Variants in USP20 observed in about 807,000 individuals in gnomAD.
USP20 encodes ubiquitin carboxyl-terminal hydrolase 20.
USP20 carries 80 observed loss-of-function variants against 124.2 expected under a neutral mutation model. The ratio of observed to expected loss-of-function variants is 0.64; its 90% CI spans 0.54 to 0.78. The LOEUF is 0.78. USP20 is among the 30% of genes least tolerant of loss of function. The pLI is 0.00. For synonymous variants in USP20, 481 were observed against 512.3 expected, an observed-to-expected ratio of 0.94 and a Z score of 0.83; for missense variants, 1,043 against 1,244.4, an observed-to-expected ratio of 0.84 and a Z score of 2.44.
In USP20 at chr9:129,878,543, T is replaced by C. The variant is rs115523975; in HGVS notation, c.2512+103T>C. The C allele has an allele frequency of 1.1e-3, 1,158 of 1,053,936 alleles. 11 individuals carry two copies. In the African/African-American group the frequency reaches 0.017, roughly 16 times the overall value. 65.3% of individuals were successfully genotyped at this position (1,053,936 alleles called of 1,614,324 possible). ...CACACAGGGGCTCCTGCAGGCCCCA[T>C]GCCTGCCCCCAGGTGCCACCCATCC... On this transcript the variant is annotated intron_variant, in intron 23 of 25. Transcript: ENST00000372429.
intron 16 of USP20, 66 bp from the exon 17 acceptor site, chr9:129,873,626 CGGGTGGA>C: frequency 1.2e-6 from 2 of 1,613,304 alleles, no homozygotes; most frequent in South Asian, 2.2e-5. Flanking sequence ...AGAAGGGAGC[CGGGTGGA>C]GGGCTGCTTC....
At position 129,879,850 on chromosome 9, in the gene USP20, G is replaced by T. The variant is rs2034566061; in HGVS notation, c.2584+206G>T. Among the ~76,000 whole-genome samples, 1 of 152,142 alleles carries T rather than the reference G, an allele frequency of 6.6e-6. No individual in the cohort carries two copies. Among genetic ancestry groups the T allele is most frequent in the Non-Finnish European group, 1.5e-5 (1 of 68,022 alleles). On this transcript the variant is annotated intron_variant, in intron 24 of 25. Transcript: ENST00000372429. This position sits in a 1 kb window ranked among gnomAD's most constrained non-coding sequence, Gnocchi z 4.2. ...TCCTCCAGGTCCCACCCCTCTGCCT[G>T]CTGCTGGCCTTGCCCACCCTGCTGT...
At chr9:129,865,502 G>A (rs2033779714) in intron 10 of USP20, 121 bp downstream of exon 10, 2 of 1,026,474 alleles carry the variant, frequency 1.9e-6, no homozygotes, top group South Asian at 2.8e-5. Flanking sequence ...AGGTCTCACG[G>A]ACCAGGCTCT....
intron 1 of USP20, among the ~76,000 whole-genome samples, chr9:129,846,488 G>A (rs1459113311): frequency 6.7e-6 from 1 of 149,042 alleles, no homozygotes; most frequent in Admixed American, 6.7e-5. Context: ...AAACTCCTGG[G>A]CTCAAGCAGT....
chr9:129,844,202 A>G (rs534163024), intron 1 of USP20, among the ~76,000 whole-genome samples: 3 of 152,232 alleles, frequency 2.0e-5, no homozygotes, highest in Non-Finnish European at 4.4e-5. Flanking sequence ...GTATAGCTTA[A>G]ATTATATGTG....
chr9:129,847,091 A>G (rs149380373), intron 1 of USP20, among the ~76,000 whole-genome samples: 2 of 152,322 alleles, frequency 1.3e-5, no homozygotes, highest in Non-Finnish European at 2.9e-5. Flanking sequence ...TAATGCAGCT[A>G]TGAACATAGG....
chr9:129,852,786 G>A, intron 3 of USP20, 150 bp downstream of exon 3: 2 of 803,928 alleles, frequency 2.5e-6, no homozygotes, highest in Non-Finnish European at 3.9e-6. Flanking sequence ...ATCTGCTTGG[G>A]AGGCCGCCTT....
chr9:129,860,209 A>G (rs2033465827), intron 6 of USP20, among the ~76,000 whole-genome samples: 1 of 152,088 alleles, frequency 6.6e-6, no homozygotes, highest in Non-Finnish European at 1.5e-5. Context: ...GGGCACCTGT[A>G]GTCCCAGCTA....
intron 15 of USP20, among the ~76,000 whole-genome samples, chr9:129,872,103 A>G (rs2034156901): frequency 6.6e-6 from 1 of 152,130 alleles, no homozygotes; most frequent in Admixed American, 6.6e-5. Context: ...GTGTTTGGAA[A>G]AACATCTATG....
At chr9:129,846,473 A>T (rs1564197406) in intron 1 of USP20, among the ~76,000 whole-genome samples, 1 of 143,160 alleles carries the variant, frequency 7.0e-6, no homozygotes, top group Non-Finnish European at 1.5e-5. Flanking sequence ...GCCCAGGCTG[A>T]TCTCAAACTC....
In USP20 at chr9:129,859,255, A is replaced by ATTTTAT; in HGVS notation, c.330+660_330+661insTATTTT. Among the ~76,000 whole-genome samples, 4 of 69,446 alleles carry ATTTTAT rather than the reference A, an allele frequency of 5.8e-5. 1 individual carries two copies. Among genetic ancestry groups the ATTTTAT allele is most frequent in the East Asian group, 1.0e-3 (2 of 1,990 alleles). The allele number at this position is 69,446 out of a possible 152,430, so 45.6% of individuals were successfully genotyped here. A position where few individuals can be genotyped will look rare whatever the true frequency, so the allele number is the denominator to read the frequency against. On this transcript the variant is annotated intron_variant, in intron 6 of 25. Coordinates refer to ENST00000372429, the MANE Select transcript of USP20 (RefSeq NM_001110303.4). ...CAGCATCTGCATGGCTCTCTCCTCC[A>ATTTTAT]TTTATTTTATTTTATTTTATTTTAT...
intron 9 of USP20, 29 bp downstream of exon 9, chr9:129,863,328 G>C: frequency 1.3e-6 from 2 of 1,508,454 alleles, no homozygotes; most frequent in Non-Finnish European, 9.0e-7. Context: ...AGCCTTGGGC[G>C]GTGTGTGGGG....
At chr9:129,850,722 G>T (rs1332245478) in intron 2 of USP20, among the ~76,000 whole-genome samples, 2 of 152,036 alleles carry the variant, frequency 1.3e-5, no homozygotes, top group Non-Finnish European at 2.9e-5. Flanking sequence ...ATGGCACGAT[G>T]TTGGCTTGCC....
chr9:129,859,014 C>T (rs928750222), intron 6 of USP20, among the ~76,000 whole-genome samples: 4 of 152,060 alleles, frequency 2.6e-5, no homozygotes, highest in Admixed American at 6.5e-5. Flanking sequence ...CAGGTAGTTG[C>T]TACAGCACAC....
At chr9:129,869,476 G>C in intron 13 of USP20, 51 bp downstream of exon 13, 4 of 1,589,508 alleles carry the variant, frequency 2.5e-6, no homozygotes, top group Non-Finnish European at 3.5e-6. Flanking sequence ...AGTGGCCTCA[G>C]CAGCTCTTGC....
Position 129,875,579 on chromosome 9 carries a change from C to T in USP20, c.2238C>T (p.Tyr746=), listed in dbSNP as rs1394104580. ...TCCCAGGCATCCCGCCCCACAAATA[C>T]CACTACATCGACGACCTGGTGGTCA... The part of the protein sequence containing the change: ...CSHGGIPPHK[Y]HYIDDLVVIL... The change falls in exon 21 of 26, where the codon TAC becomes TAT. Residue 746 remains tyrosine (Y), a synonymous_variant. Transcript: ENST00000372429. 1 of 1,614,100 alleles carries T rather than the reference C, an allele frequency of 6.2e-7. No homozygotes were observed.
At chr9:129,873,321 G>A (rs1286595013) in intron 15 of USP20, among the ~76,000 whole-genome samples, 161 bp from the exon 16 acceptor site, 3 of 151,792 alleles carry the variant, frequency 2.0e-5, no homozygotes, top group Non-Finnish European at 4.4e-5. Flanking sequence ...TGACCTCAGG[G>A]GATCCGCCCG....
At chr9:129,842,375 T>C (rs995822123) in intron 1 of USP20, among the ~76,000 whole-genome samples, 1 of 152,100 alleles carries the variant, frequency 6.6e-6, no homozygotes, top group African/African-American at 2.4e-5. Context: ...AGTGTCTGCT[T>C]GCAAGTACCC....
At chr9:129,835,933 A>G (rs1479787700) in intron 1 of USP20, 1 of 152,182 alleles carries the variant, frequency 6.6e-6, no homozygotes, top group Non-Finnish European at 1.5e-5. Flanking sequence ...CCCAGCGCCG[A>G]CTGCCTCACA....
Sources: allele counts gnomAD v4.1 joint callset (sites outside exome capture counted in the v4.1 genomes callset), GRCh38; gene constraint gnomAD v4.1.1; non-coding constraint Gnocchi (gnomAD v3.1); transcripts MANE v1.5; gene names NCBI Gene and HGNC (gene_info 2026-07-23, HGNC 2026-07-21).